TRDN: variants seen among roughly 807,000 people sequenced by gnomAD.
The protein encoded by TRDN is triadin.
A neutral mutation model predicts 149.7 loss-of-function variants in TRDN; 161 were observed. The ratio of observed to expected loss-of-function variants is 1.08; its 90% confidence interval spans 0.95 to 1.23. The LOEUF (loss-of-function observed/expected upper bound fraction) is 1.23, where lower values mean the gene tolerates loss of function less well. TRDN is among the 50% of genes most tolerant of loss of function. The probability of loss-of-function intolerance (pLI) is 0.00; values close to 1 mark genes in which losing one functional copy is unlikely to be tolerated. For synonymous variants in TRDN, 294 were observed against 250.5 expected, an observed-to-expected ratio of 1.17 and a Z score of -1.64; for missense variants, 896 against 823.5, an observed-to-expected ratio of 1.09 and a Z score of -1.08.
At chr6:123,451,581 C>T in intron 10 of TRDN, among the ~76,000 whole-genome samples, 1 of 152,136 alleles carries the variant, frequency 6.6e-6, no homozygotes, top group South Asian at 2.1e-4. Flanking sequence ...AGACCAATAA[C>T]AAGCAGCAAG....
rs115681793 is a variant in TRDN, at chr6:123,596,277, A to G, written c.23-25145T>C. ...GCACTAACTCTCTTCAATTCTGTGAAGGCTTAGAGAAGTAAGGAAGCTGCA... is the reference window on the plus strand; with the variant it reads ...GCACTAACTCTCTTCAATTCTGTGAGGGCTTAGAGAAGTAAGGAAGCTGCA... On this transcript the variant is annotated intron_variant, in intron 1 of 40. Transcript: ENST00000334268. Among the ~76,000 whole-genome samples, 1,177 of 152,216 alleles carry G rather than the reference A, an allele frequency of 7.7e-3. 16 individuals are homozygous for G. The highest frequency in any genetic ancestry group is 0.027 in the African/African-American group (1,122 of 41,562).
intron 10 of TRDN, among the ~76,000 whole-genome samples, chr6:123,458,130 G>C (rs7771575): frequency 0.17 from 25,715 of 152,120 alleles, 2,347 homozygotes; most frequent in South Asian, 0.28. Context: ...ATTGACAAAT[G>C]TAAATTTTCC....
intron 12 of TRDN, among the ~76,000 whole-genome samples, chr6:123,420,826 C>G (rs1216773445): frequency 6.6e-6 from 1 of 152,078 alleles, no homozygotes; most frequent in Non-Finnish European, 1.5e-5. Context: ...AACAAAGGAA[C>G]CACATTATAA....
At position 123,224,116 on chromosome 6, in the gene TRDN, A is replaced by G; in HGVS notation, c.1991T>C (p.Val664Ala). The G allele has an allele frequency of 6.2e-7, 1 of 1,610,624 alleles. No individual in the cohort carries two copies. The highest frequency in any genetic ancestry group is 1.1e-5 in the South Asian group (1 of 90,938). Residue 664 changes from valine to alanine, a missense_variant, in exon 39 of 41, where the codon GTA becomes GCA. Transcript: ENST00000334268. ...ACCTTTAGCTTTCTTTGAAGCTGGT[A>G]CATCTTCAACATCTTCTAGAGTACA... The part of the protein sequence containing the change: ...PARVSKDVED[V>A]PASKKAKEGT...
intron 2 of TRDN, among the ~76,000 whole-genome samples, chr6:123,567,712 A>T (rs957673119): frequency 6.6e-6 from 1 of 152,202 alleles, no homozygotes; most frequent in Admixed American, 6.5e-5. Flanking sequence ...GAAAGTACCA[A>T]GGGAATTGGC....
At chr6:123,481,488 G>A (rs1034991017) in intron 9 of TRDN, among the ~76,000 whole-genome samples, 15 of 150,442 alleles carry the variant, frequency 1.0e-4, no homozygotes, top group African/African-American at 3.2e-4. Flanking sequence ...TCCTCCCTAA[G>A]TCCTGGAGAA....
At chr6:123,541,536 C>A (rs964160837) in intron 4 of TRDN, among the ~76,000 whole-genome samples, 4 of 152,030 alleles carry the variant, frequency 2.6e-5, no homozygotes, top group African/African-American at 9.7e-5. Context: ...GGGCTTTGTC[C>A]CCCTCTCACC....
At chr6:123,481,966 T>A (rs986398422) in intron 9 of TRDN, among the ~76,000 whole-genome samples, 3 of 152,222 alleles carry the variant, frequency 2.0e-5, no homozygotes, top group Non-Finnish European at 4.4e-5. Flanking sequence ...TGGCACTTTT[T>A]AATCACTCTG....
chr6:123,251,845 C>G (rs1776386060), intron 38 of TRDN, among the ~76,000 whole-genome samples: 1 of 151,954 alleles, frequency 6.6e-6, no homozygotes, highest in Non-Finnish European at 1.5e-5. Context: ...GTGGTTTATA[C>G]TATAGGAGAT....
At chr6:123,316,379 T>C in intron 24 of TRDN, 78 bp downstream of exon 24, 2 of 1,364,548 alleles carry the variant, frequency 1.5e-6, no homozygotes, top group Non-Finnish European at 2.1e-6. Flanking sequence ...CCAGCCAGGA[T>C]TGTAAAACTG....
chr6:123,297,563 T>C (rs1049288180), intron 24 of TRDN, among the ~76,000 whole-genome samples: 8 of 152,104 alleles, frequency 5.3e-5, no homozygotes, highest in Non-Finnish European at 1.0e-4. Flanking sequence ...TAGTATGTGC[T>C]AAGCACTTCA....
intron 37 of TRDN, among the ~76,000 whole-genome samples, chr6:123,253,927 T>C (rs544578335): frequency 3.7e-4 from 57 of 152,254 alleles, no homozygotes; most frequent in African/African-American, 1.3e-3. Context: ...AATAGAATAC[T>C]GAAGTACGAA....
chr6:123,629,955 A>G, intron 1 of TRDN, among the ~76,000 whole-genome samples: 1 of 152,062 alleles, frequency 6.6e-6, no homozygotes, highest in East Asian at 1.9e-4. Flanking sequence ...GGTAATATAT[A>G]TTTACATGAC....
intron 34 of TRDN, among the ~76,000 whole-genome samples, chr6:123,260,236 A>T (rs1394471792): frequency 6.6e-6 from 1 of 152,170 alleles, no homozygotes; most frequent in Non-Finnish European, 1.5e-5. Flanking sequence ...TTTGCCTGGC[A>T]TGATGGATTC....
chr6:123,290,808 A>G (rs1323627188), intron 24 of TRDN, among the ~76,000 whole-genome samples: 2 of 152,186 alleles, frequency 1.3e-5, no homozygotes, highest in South Asian at 2.1e-4. Flanking sequence ...GAGTTTCAAA[A>G]TATGAGGGAA....
intron 2 of TRDN, among the ~76,000 whole-genome samples, chr6:123,568,990 A>G (rs894752188): frequency 2.6e-5 from 4 of 152,162 alleles, no homozygotes; most frequent in Admixed American, 6.5e-5. Context: ...AAATTTTCCA[A>G]ATTTTTATAC....
intron 14 of TRDN, among the ~76,000 whole-genome samples, chr6:123,384,360 C>CT (rs1781830509): frequency 1.3e-5 from 2 of 152,078 alleles, no homozygotes; most frequent in African/African-American, 4.8e-5. Context: ...TTCTGTGTTC[C>CT]TCACTGAACA....
At chr6:123,625,080 T>TG (rs1491542561) in intron 1 of TRDN, among the ~76,000 whole-genome samples, 107 of 148,204 alleles carry the variant, frequency 7.2e-4, no homozygotes, top group African/African-American at 2.7e-3. Context: ...TTTTTTTTTT[T>TG]GTCATTTCTG....
At chr6:123,382,250 C>CAACAAATTGATCATTT in intron 14 of TRDN, 103 bp from the exon 15 acceptor site, 1 of 727,630 alleles carries the variant, frequency 1.4e-6, no homozygotes, top group Non-Finnish European at 2.1e-6. Flanking sequence ...ATTGATTATT[C>CAACAAATTGATCATTT]AACAAATTGA....
Sources: gnomAD v4.1 joint callset for allele counts (sites outside exome capture counted in the v4.1 genomes callset) on GRCh38, gnomAD v4.1.1 for gene constraint, MANE v1.5 for transcripts, NCBI Gene and HGNC (gene_info 2026-07-23, HGNC 2026-07-21) for gene names.